JAKMIP2: variants seen among roughly 807,000 people sequenced by gnomAD.
JAKMIP2 encodes the protein janus kinase and microtubule interacting protein 2.
Under a neutral mutation model 115.0 loss-of-function variants are expected in JAKMIP2, and 25 were observed. The observed-to-expected ratio is 0.22, with a 90% CI of 0.16 to 0.30. The LOEUF is 0.30. Among genes scored for constraint, JAKMIP2 ranks in the 10% least tolerant of loss-of-function variants. JAKMIP2 has a pLI of 1.00. For missense variants in JAKMIP2, 642 were observed against 957.6 expected (o/e 0.67, Z 4.35); for synonymous variants, 334 against 343.6 (o/e 0.97, Z 0.31).
rs73794503 is a variant in JAKMIP2 at position 147,772,179 on chromosome 5, C to G, written c.-149+10277G>C. Among the ~76,000 whole-genome samples, 475 of 152,038 alleles carry G rather than the reference C, an allele frequency of 3.1e-3. 3 individuals are homozygous for G. Among genetic ancestry groups the G allele is most frequent in the African/African-American group, 0.011 (454 of 41,464 alleles). ...ACATATGTAAATTGTGAAAAAAACGCCTTAGTCTACTAATTATGAAAGACG... is the reference window on the plus strand; with the variant it reads ...ACATATGTAAATTGTGAAAAAAACGGCTTAGTCTACTAATTATGAAAGACG... On this transcript the variant is annotated intron_variant, in intron 1 of 21. Transcript: ENST00000616793.
chr5:147,606,694 AAC>A (rs1321015041), intron 20 of JAKMIP2, among the ~76,000 whole-genome samples: 1 of 152,180 alleles, frequency 6.6e-6, no homozygotes, highest in Middle Eastern at 3.2e-3. Flanking sequence ...TGAAATTTAA[AAC>A]AGTTTTTTCT....
chr5:147,632,696 C>G lies in JAKMIP2; in HGVS notation c.1760G>C (p.Arg587Pro). 6.2e-7 allele frequency: 1 copy of G among 1,607,718 alleles called. No homozygotes were observed. The highest frequency in any genetic ancestry group is 8.5e-7 in the Non-Finnish European group (1 of 1,175,566). The change falls in exon 13 of 22, where the codon CGA becomes CCA. Residue 587 changes from arginine to proline, a missense_variant. Arg to Pro is a moderately radical substitution (Grantham distance 103). Transcript: ENST00000616793. ...TTTCCTTACTTCTAGCTCTAGGTTT[C>G]GAAACTCCAGCAGCTCATTCTGGTC... ...ARDQNELLEF[R>P]NLELEERERR... is the part of the protein sequence containing the mutation.
intron 1 of JAKMIP2, among the ~76,000 whole-genome samples, chr5:147,695,231 T>C (rs145988486): frequency 6.6e-6 from 1 of 152,274 alleles, no homozygotes; most frequent in African/African-American, 2.4e-5. Context: ...TGCTGTTGAA[T>C]ACACGCTTAA....
intron 1 of JAKMIP2, among the ~76,000 whole-genome samples, chr5:147,752,179 G>A (rs1754582975): frequency 6.6e-6 from 1 of 152,134 alleles, no homozygotes; most frequent in South Asian, 2.1e-4. Context: ...GCTGAGATGG[G>A]GAAGGCGAAT....
intron 20 of JAKMIP2, among the ~76,000 whole-genome samples, chr5:147,608,013 G>A (rs1262283783): frequency 6.6e-6 from 1 of 152,086 alleles, no homozygotes; most frequent in Non-Finnish European, 1.5e-5. Flanking sequence ...TGGGATCAGT[G>A]GTGATCCCCC....
intron 1 of JAKMIP2, among the ~76,000 whole-genome samples, chr5:147,768,939 C>T (rs1306334377): frequency 6.6e-6 from 1 of 152,116 alleles, no homozygotes; most frequent in African/African-American, 2.4e-5. Context: ...GGATCCTGAT[C>T]TTTATCCCAT....
chr5:147,654,857 A>C (rs1163739369), intron 3 of JAKMIP2, among the ~76,000 whole-genome samples: 1 of 152,172 alleles, frequency 6.6e-6, no homozygotes, highest in Non-Finnish European at 1.5e-5. Context: ...TTTGTCATAA[A>C]TAACTCTTAT....
At chr5:147,721,321 C>G (rs996322600) in intron 1 of JAKMIP2, among the ~76,000 whole-genome samples, 6 of 152,206 alleles carry the variant, frequency 3.9e-5, no homozygotes, top group African/African-American at 1.4e-4. Context: ...TGCCCTGCCC[C>G]CAGAGGTGGA....
At chr5:147,715,841 C>G (rs1181022526) in intron 1 of JAKMIP2, among the ~76,000 whole-genome samples, 4 of 128,262 alleles carry the variant, frequency 3.1e-5, no homozygotes, top group Non-Finnish European at 6.3e-5. Flanking sequence ...GGCCAATTTA[C>G]TTTCTTTTTT....
At chr5:147,605,927 A>G (rs1342317463) in intron 20 of JAKMIP2, among the ~76,000 whole-genome samples, 1 of 152,140 alleles carries the variant, frequency 6.6e-6, no homozygotes, top group Non-Finnish European at 1.5e-5. Context: ...CATTTCTCTA[A>G]TGACCAGTGA....
At chr5:147,702,716 C>G (rs1168018411) in intron 1 of JAKMIP2, among the ~76,000 whole-genome samples, 1 of 149,530 alleles carries the variant, frequency 6.7e-6, no homozygotes, top group South Asian at 2.2e-4. Context: ...AAAAAAAGAG[C>G]AGAAGCCAAG....
At chr5:147,709,713 G>C (rs1243180111) in intron 1 of JAKMIP2, among the ~76,000 whole-genome samples, 1 of 152,058 alleles carries the variant, frequency 6.6e-6, no homozygotes, top group African/African-American at 2.4e-5. Flanking sequence ...AGACAGGAGT[G>C]GTGGCATGCA....
chr5:147,638,226 G>T (rs57061855), intron 10 of JAKMIP2, among the ~76,000 whole-genome samples: 41,828 of 151,448 alleles, frequency 0.28, 7,965 homozygotes, highest in East Asian at 0.6. Flanking sequence ...TTTATTTCTT[G>T]TAGATTATTT....
intron 1 of JAKMIP2, among the ~76,000 whole-genome samples, chr5:147,733,377 C>T (rs1214399232): frequency 6.6e-6 from 1 of 152,134 alleles, no homozygotes; most frequent in African/African-American, 2.4e-5. Flanking sequence ...AATTATTATC[C>T]TTTTGTGCTG....
At chr5:147,667,270 C>T (rs1172007506) in intron 2 of JAKMIP2, among the ~76,000 whole-genome samples, 3 of 152,030 alleles carry the variant, frequency 2.0e-5, no homozygotes, top group Non-Finnish European at 4.4e-5. Context: ...GAAAAAAGAT[C>T]ATTAGAAAAG....
At chr5:147,671,483 T>G (rs144670568) in intron 2 of JAKMIP2, among the ~76,000 whole-genome samples, 195 bp downstream of exon 2, 25 of 152,348 alleles carry the variant, frequency 1.6e-4, no homozygotes, top group African/African-American at 6.0e-4. Context: ...TATGCTATTT[T>G]CACTTTCTGT....
chr5:147,727,723 C>T (rs748029442), intron 1 of JAKMIP2, among the ~76,000 whole-genome samples: 8 of 152,208 alleles, frequency 5.3e-5, no homozygotes, highest in South Asian at 2.1e-4. Context: ...AGGAGTACTA[C>T]GGTTAAAAGT....
chr5:147,601,220 C>T (rs945508672), intron 21 of JAKMIP2, among the ~76,000 whole-genome samples: 2 of 152,292 alleles, frequency 1.3e-5, no homozygotes, highest in South Asian at 2.1e-4. Flanking sequence ...TTCTAATAAT[C>T]ACCCAAATAG....
chr5:147,681,548 T>C (rs1483253893), intron 1 of JAKMIP2, among the ~76,000 whole-genome samples: 1 of 152,240 alleles, frequency 6.6e-6, no homozygotes, highest in Admixed American at 6.5e-5. Flanking sequence ...TCATCACTGA[T>C]TCTTCAATTT....
Sources: allele counts gnomAD v4.1 joint callset (sites outside exome capture counted in the v4.1 genomes callset), GRCh38; gene constraint gnomAD v4.1.1; transcripts MANE v1.5; gene names NCBI Gene and HGNC (gene_info 2026-07-23, HGNC 2026-07-21).